Variants in CEP63 observed in about 807,000 individuals in gnomAD.
CEP63 encodes centrosomal protein of 63 kDa.
In CEP63, 84 loss-of-function variants were observed where a neutral mutation model predicts 89.1. The observed-to-expected ratio is 0.94, with a 90% CI of 0.79 to 1.13. The LOEUF is 1.13. CEP63 is among the 50% of genes most tolerant of loss of function. CEP63 has a pLI of 0.00. For synonymous variants in CEP63, 267 were observed against 272.5 expected (o/e 0.98, Z 0.20); for missense variants, 838 against 813.3 (o/e 1.03, Z -0.37).
At chr3:134,582,906 G>C (rs2110334723) in intron 10 of CEP63, among the ~76,000 whole-genome samples, 1 of 152,262 alleles carries the variant, frequency 6.6e-6, no homozygotes, top group African/African-American at 2.4e-5. Context: ...TTGTGGTTTT[G>C]ATTTGCATTT....
chr3:134,540,672 A>G (rs932215506), intron 6 of CEP63, among the ~76,000 whole-genome samples: 2 of 151,892 alleles, frequency 1.3e-5, no homozygotes, highest in African/African-American at 4.8e-5. Flanking sequence ...CATTGTTTTA[A>G]TATGAGTGAG....
intron 1 of CEP63, among the ~76,000 whole-genome samples, chr3:134,487,456 C>T (rs1935985829): frequency 6.6e-6 from 1 of 152,194 alleles, no homozygotes; most frequent in African/African-American, 2.4e-5. Flanking sequence ...GATGCCATTT[C>T]CTCTCGTTAA....
chr3:134,501,627 C>T (rs1942028717), intron 2 of CEP63, among the ~76,000 whole-genome samples: 1 of 151,944 alleles, frequency 6.6e-6, no homozygotes, highest in Admixed American at 6.6e-5. Flanking sequence ...CAGTACTCAG[C>T]TTGGACGTTA....
chr3:134,595,949 T>C, the CEP63 span, among the ~76,000 whole-genome samples: 6 of 152,266 alleles, frequency 3.9e-5, no homozygotes, highest in East Asian at 1.2e-3. Flanking sequence ...AAGATGTTAA[T>C]GCCTTTAGAT....
At chr3:134,520,765 C>T (rs549905875) in intron 3 of CEP63, among the ~76,000 whole-genome samples, 1 of 152,274 alleles carries the variant, frequency 6.6e-6, no homozygotes, top group African/African-American at 2.4e-5. Flanking sequence ...CAAGATGACA[C>T]TGCAAGATGG....
In CEP63 at chr3:134,584,956, G is replaced by GTT. The variant is rs780691730; in HGVS notation, c.1207-2485_1207-2484dup. Among the ~76,000 whole-genome samples, 261 of 36,034 alleles carry GTT rather than the reference G, an allele frequency of 7.2e-3. 16 individuals are homozygous for GTT. The highest frequency in any genetic ancestry group is 0.021 in the African/African-American group (245 of 11,756). 23.6% of individuals were successfully genotyped at this position (36,034 alleles called of 152,430 possible). On this transcript the variant is annotated intron_variant, in intron 10 of 10. Coordinates refer to the CEP63 transcript ENST00000683931. ...ATCCATTTCTTCTAGATTTTCTAGG[G>GTT]TTTTTTTTTTTTTTTTTTGCATGGA...
intron 6 of CEP63, 116 bp from the exon 7 acceptor site, chr3:134,545,469 TA>T (rs1264153021): frequency 9.0e-6 from 7 of 775,172 alleles, no homozygotes; most frequent in African/African-American, 6.9e-5. Context: ...TATATATATA[TA>T]TTTTAGTGAG....
chr3:134,770,365 C>T, the CEP63 span, among the ~76,000 whole-genome samples: 1 of 152,142 alleles, frequency 6.6e-6, no homozygotes, highest in Non-Finnish European at 1.5e-5. Flanking sequence ...TCTAGTTATG[C>T]TTTTTCTAGG....
At chr3:134,616,822 CAAGA>C in the CEP63 span, among the ~76,000 whole-genome samples, 1 of 152,170 alleles carries the variant, frequency 6.6e-6, no homozygotes, top group African/African-American at 2.4e-5. Flanking sequence ...AATCAATACT[CAAGA>C]AAGACAAGAT....
At position 134,510,535 on chromosome 3, in the gene CEP63, G is replaced by A. The variant is rs570231014; in HGVS notation, c.222+3249G>A. On this transcript the variant is annotated intron_variant, in intron 3 of 14. Coordinates refer to ENST00000675561, the MANE Select transcript of CEP63 (RefSeq NM_001353108.3). ...TTTTTTCTGGTATTTTATTCCCACT[G>A]GATGCTTTTTATTAAGACCTTGTAC... 1.7e-4 allele frequency: 73 copies of A among 436,176 alleles called. No homozygotes were observed. The Middle Eastern group carries it at 2.1e-3, about 12-fold the overall frequency. The allele number at this position is 436,176 out of a possible 1,614,324, so 27.0% of individuals were successfully genotyped here. A position where few individuals can be genotyped will look rare whatever the true frequency, so the allele number is the denominator to read the frequency against.
intron 1 of CEP63, among the ~76,000 whole-genome samples, chr3:134,492,679 G>A (rs1056488545): frequency 2.6e-5 from 4 of 151,518 alleles, no homozygotes; most frequent in African/African-American, 9.7e-5. Context: ...CTGCCACCTG[G>A]TGGCCACAGT....
chr3:134,744,665 C>T, the CEP63 span, among the ~76,000 whole-genome samples: 1 of 152,166 alleles, frequency 6.6e-6, no homozygotes, highest in South Asian at 2.1e-4. Flanking sequence ...CAGGCATGTG[C>T]CACCATGCCT....
At position 134,562,644 on chromosome 3, in the gene CEP63, C is replaced by T. The variant is rs1373113043; in HGVS notation, c.*1109C>T. 6.6e-6 allele frequency: 1 copy of T among 152,164 alleles called. No homozygotes were observed. The highest frequency in any genetic ancestry group is 2.1e-4 in the South Asian group (1 of 4,816). The allele number at this position is 152,164 out of a possible 1,614,324, so 9.4% of individuals were successfully genotyped here. A position where few individuals can be genotyped will look rare whatever the true frequency, so the allele number is the denominator to read the frequency against. Reference sequence around the variant, plus strand: ...GCAGTGACTCTTTCCAGTTCCTCACCCCGCCCCACCGTAGTTCTCTTCCTA... The same window carrying T: ...GCAGTGACTCTTTCCAGTTCCTCACTCCGCCCCACCGTAGTTCTCTTCCTA... On this transcript the variant is annotated 3_prime_UTR_variant, in exon 15 of 15. Coordinates refer to ENST00000675561, the MANE Select transcript of CEP63 (RefSeq NM_001353108.3).
downstream of CEP63, among the ~76,000 whole-genome samples, chr3:134,565,447 G>C (rs1957714368): frequency 6.6e-6 from 1 of 152,138 alleles, no homozygotes; most frequent in African/African-American, 2.4e-5. Context: ...GTACCTAAAA[G>C]TTGCAGATAA....
At chr3:134,525,436 T>G (rs1405126282) in intron 3 of CEP63, among the ~76,000 whole-genome samples, 1 of 152,210 alleles carries the variant, frequency 6.6e-6, no homozygotes, top group East Asian at 1.9e-4. Flanking sequence ...GTGAGATGGG[T>G]CTCTTGAAGA....
the CEP63 span, among the ~76,000 whole-genome samples, chr3:134,760,110 G>C: frequency 1.1e-4 from 16 of 146,320 alleles, no homozygotes; most frequent in Non-Finnish European, 2.2e-4. Context: ...CCAGGCTGGA[G>C]TGCAGTGGCG....
chr3:134,665,652 GACACACACACACACACACAC>G, the CEP63 span, among the ~76,000 whole-genome samples: 63 of 95,824 alleles, frequency 6.6e-4, 1 homozygote, highest in African/African-American at 2.0e-3. Flanking sequence ...GGAAACAGAG[GACACACACACACACACACAC>G]ACACACACAC....
chr3:134,780,217 CTGTT>C, the CEP63 span, among the ~76,000 whole-genome samples: 54 of 152,290 alleles, frequency 3.5e-4, 1 homozygote, highest in African/African-American at 1.3e-3. Flanking sequence ...TCTGAAATGT[CTGTT>C]TGAATCTTTT....
At chr3:134,676,924 T>C in the CEP63 span, among the ~76,000 whole-genome samples, 2 of 152,190 alleles carry the variant, frequency 1.3e-5, no homozygotes, top group African/African-American at 4.8e-5. Context: ...TCCTCGCTCA[T>C]GCTTCTTCCA....
Sources: allele counts gnomAD v4.1 joint callset (sites outside exome capture counted in the v4.1 genomes callset), GRCh38; gene constraint gnomAD v4.1.1; transcripts MANE v1.5; gene names NCBI Gene and HGNC (gene_info 2026-07-23, HGNC 2026-07-21).